GABRG3: variants seen among roughly 807,000 people sequenced by gnomAD.
GABRG3 encodes the protein gamma-aminobutyric acid type A receptor subunit gamma3.
A neutral mutation model predicts 48.8 loss-of-function variants in GABRG3; 25 were observed. That is an observed-to-expected ratio of 0.51 (90% CI 0.37 to 0.72). The LOEUF (loss-of-function observed/expected upper bound fraction) is 0.72, where lower values mean the gene tolerates loss of function less well. Among genes scored for constraint, GABRG3 ranks in the 30% least tolerant of loss-of-function variants. The probability of loss-of-function intolerance (pLI) is 0.00; values close to 1 mark genes in which losing one functional copy is unlikely to be tolerated. For missense variants in GABRG3, 394 were observed against 577.9 expected (o/e 0.68, Z 3.26); for synonymous variants, 227 against 217.6 (o/e 1.04, Z -0.38).
chr15:27,376,581 C>T (rs564848983), intron 5 of GABRG3, among the ~76,000 whole-genome samples: 61 of 152,324 alleles, frequency 4.0e-4, no homozygotes, highest in Non-Finnish European at 7.5e-4. Flanking sequence ...CTCAACACCA[C>T]GTGGAAGCTG....
At chr15:27,214,203 G>A (rs189176764) in intron 3 of GABRG3, among the ~76,000 whole-genome samples, 1 of 152,164 alleles carries the variant, frequency 6.6e-6, no homozygotes, top group Non-Finnish European at 1.5e-5. Flanking sequence ...ACAGGTGGGG[G>A]TTGCCAGTTA....
intron 3 of GABRG3, among the ~76,000 whole-genome samples, chr15:27,062,693 A>G (rs1425312879): frequency 6.6e-6 from 1 of 152,090 alleles, no homozygotes. Context: ...GCAGGAATAG[A>G]TAGTTTTAAC....
chr15:27,154,064 A>T (rs998979615), intron 3 of GABRG3, among the ~76,000 whole-genome samples: 1 of 152,146 alleles, frequency 6.6e-6, no homozygotes, highest in South Asian at 2.1e-4. Flanking sequence ...AGTATATGTA[A>T]CAGGAACTCC....
intron 5 of GABRG3, among the ~76,000 whole-genome samples, chr15:27,351,844 TTGTATGGTGTGTTTG>T (rs1439633707): frequency 2.1e-5 from 3 of 144,672 alleles, no homozygotes; most frequent in Admixed American, 6.9e-5. Flanking sequence ...GTGTGTGTGT[TTGTATGGTGTGTTTG>T]TGTATGGTGT....
chr15:27,493,095 A>G (rs901002800), intron 6 of GABRG3, among the ~76,000 whole-genome samples: 1 of 152,196 alleles, frequency 6.6e-6, no homozygotes, highest in African/African-American at 2.4e-5. Context: ...CATATTCCAA[A>G]TGATTTAAAA....
At chr15:27,436,922 G>A (rs1458731128) in intron 5 of GABRG3, among the ~76,000 whole-genome samples, 2 of 151,384 alleles carry the variant, frequency 1.3e-5, no homozygotes, top group Non-Finnish European at 2.9e-5. Context: ...CTTGAGTCCA[G>A]GAGTTCAATG....
chr15:27,439,977 C>T (rs1227809236), intron 5 of GABRG3, among the ~76,000 whole-genome samples: 1 of 152,174 alleles, frequency 6.6e-6, no homozygotes, highest in African/African-American at 2.4e-5. Flanking sequence ...TGAATTATGC[C>T]TGTCTGTGGC....
At chr15:27,256,427 C>G (rs1222854249) in intron 3 of GABRG3, among the ~76,000 whole-genome samples, 1 of 123,998 alleles carries the variant, frequency 8.1e-6, no homozygotes, top group African/African-American at 3.1e-5. Context: ...GGCGACAGAG[C>G]AAGACTCCGT....
At chr15:27,254,766 G>A (rs182022843) in intron 3 of GABRG3, among the ~76,000 whole-genome samples, 1 of 152,062 alleles carries the variant, frequency 6.6e-6, no homozygotes, top group Non-Finnish European at 1.5e-5. Context: ...ATGAATTTGG[G>A]GGGGACACAA....
chr15:27,448,953 A>T (rs1889026699), intron 5 of GABRG3, among the ~76,000 whole-genome samples: 2 of 152,216 alleles, frequency 1.3e-5, no homozygotes, highest in Admixed American at 1.3e-4. Context: ...CAGCTGGATA[A>T]TAAATTTAGT....
intron 5 of GABRG3, chr15:27,365,154 TC>T (rs1227943323): frequency 1.3e-5 from 2 of 152,130 alleles, no homozygotes; most frequent in African/African-American, 4.8e-5. Flanking sequence ...AGCATATATT[TC>T]CCAAAGCCAG....
rs925270622 is a variant in GABRG3, at chr15:26,977,113, A to G, written c.165A>G (p.Leu55=). 2.5e-6 allele frequency: 4 copies of G among 1,613,816 alleles called. No individual in the cohort carries two copies. In the East Asian group the frequency reaches 6.7e-5, roughly 27 times the overall value. The change falls in exon 2 of 10, where the codon CTA becomes CTG. Residue 55 remains leucine (L), a synonymous_variant. Coordinates refer to ENST00000615808, the MANE Select transcript of GABRG3 (RefSeq NM_033223.5). Reference sequence around the variant, plus strand: ...TGACTCTTATTCTCAACAAGTTGCTAAGAGAATATGATAAAAAGCTGAGGC... The same window carrying G: ...TGACTCTTATTCTCAACAAGTTGCTGAGAGAATATGATAAAAAGCTGAGGC... ...TDVTLILNKL[L]REYDKKLRPD... is the part of the protein sequence containing the mutation.
In GABRG3 at chr15:26,977,102, A is replaced by G; in HGVS notation, c.154A>G (p.Asn52Asp). 2 of 1,613,476 alleles carry G rather than the reference A, an allele frequency of 1.2e-6. No homozygotes were observed. The highest frequency in any genetic ancestry group is 1.7e-6 in the Non-Finnish European group (2 of 1,179,454). The change falls in exon 2 of 10, where the codon AAC becomes GAC. Residue 52 changes from asparagine to aspartate, a missense_variant. Physicochemically the swap from Asn to Asp is conservative, Grantham distance 23. This residue lies in a region of GABRG3 where 218 missense variants were observed against 309.9 expected (regional missense o/e 0.70). Coordinates refer to ENST00000615808, the MANE Select transcript of GABRG3 (RefSeq NM_033223.5). ...SQDTDVTLIL[N>D]KLLREYDKKL... Reference sequence around the variant, plus strand: ...AGACACCGACGTGACTCTTATTCTCAACAAGTTGCTAAGAGAATATGATAA... The same window carrying G: ...AGACACCGACGTGACTCTTATTCTCGACAAGTTGCTAAGAGAATATGATAA...
At chr15:27,089,944 T>C (rs1897156828) in intron 3 of GABRG3, among the ~76,000 whole-genome samples, 1 of 152,244 alleles carries the variant, frequency 6.6e-6, no homozygotes, top group South Asian at 2.1e-4. Context: ...TGCCCATTCA[T>C]CTGTTGATGG....
chr15:27,070,893 C>T (rs1179458938), intron 3 of GABRG3, among the ~76,000 whole-genome samples: 1 of 152,182 alleles, frequency 6.6e-6, no homozygotes, highest in South Asian at 2.1e-4. Context: ...TCAGAGCCTC[C>T]CTGTGGCTGG....
At chr15:27,023,148 G>A (rs894256550) in intron 2 of GABRG3, among the ~76,000 whole-genome samples, 11 of 152,156 alleles carry the variant, frequency 7.2e-5, no homozygotes, top group Admixed American at 7.2e-4. Flanking sequence ...ATGGGACTCA[G>A]TTCCATCATC....
At chr15:27,436,520 A>C (rs1436454340) in intron 5 of GABRG3, among the ~76,000 whole-genome samples, 1 of 152,234 alleles carries the variant, frequency 6.6e-6, no homozygotes, top group Non-Finnish European at 1.5e-5. Context: ...GAGATGGTAG[A>C]TAGGTTTGTG....
At chr15:27,237,088 G>C (rs1889997652) in intron 3 of GABRG3, among the ~76,000 whole-genome samples, 4 of 152,230 alleles carry the variant, frequency 2.6e-5, no homozygotes. Flanking sequence ...ATTTCAAATT[G>C]ATTTCATAAC....
intron 3 of GABRG3, among the ~76,000 whole-genome samples, chr15:27,054,123 C>A (rs978461004): frequency 6.6e-6 from 1 of 152,102 alleles, no homozygotes; most frequent in Non-Finnish European, 1.5e-5. Flanking sequence ...CCTGTAATCC[C>A]AGCTACTCAG....
Sources: allele counts gnomAD v4.1 joint callset (sites outside exome capture counted in the v4.1 genomes callset), GRCh38; gene constraint gnomAD v4.1.1; regional missense constraint gnomAD v4.1.1; transcripts MANE v1.5; gene names NCBI Gene and HGNC (gene_info 2026-07-23, HGNC 2026-07-21).